PAK2: variants seen among roughly 807,000 people sequenced by gnomAD.
PAK2 encodes serine/threonine-protein kinase PAK 2.
A neutral mutation model predicts 65.9 loss-of-function variants in PAK2; 21 were observed. That is an observed-to-expected ratio of 0.32 (90% CI 0.23 to 0.46). The LOEUF (loss-of-function observed/expected upper bound fraction) is 0.46, where lower values mean the gene tolerates loss of function less well. Ranked by LOEUF, PAK2 falls within the 20% of genes least tolerant of loss-of-function variation. The probability of loss-of-function intolerance (pLI) is 1.00; values close to 1 mark genes in which losing one functional copy is unlikely to be tolerated. For missense variants in PAK2, 324 were observed against 642.6 expected, an observed-to-expected ratio of 0.50 and a Z score of 5.36; for synonymous variants, 204 against 219.7, an observed-to-expected ratio of 0.93 and a Z score of 0.63.
At position 196,801,956 on chromosome 3, in the gene PAK2, G is replaced by A; in HGVS notation, c.217G>A (p.Glu73Lys). 1 of 1,609,030 alleles carries A rather than the reference G, an allele frequency of 6.2e-7. No homozygotes were observed. The highest frequency in any genetic ancestry group is 1.7e-5 in the Admixed American group (1 of 59,996). The change falls in exon 3 of 15, where the codon GAA becomes AAA. Residue 73 changes from glutamate to lysine, a missense_variant. By Grantham distance (56) the Glu-to-Lys change is moderately conservative. Around this residue, in one of 5 missense-constraint regions of PAK2, gnomAD observed 20 missense variants for 99.9 expected, o/e 0.20. Transcript: ENST00000327134. ...TAAAAAGAAAGAAAAGGAACGGCCA[G>A]AAATTTCTCCTCCATCTGATTTTGA... ...GSKKKEKERP[E>K]ISPPSDFEHT...
chr3:196,823,438 G>A (rs887388578), intron 13 of PAK2, among the ~76,000 whole-genome samples: 9 of 151,930 alleles, frequency 5.9e-5, no homozygotes, highest in Admixed American at 2.6e-4. Flanking sequence ...CAGTGAGATC[G>A]GTAAAATCAC....
In PAK2 at chr3:196,829,657, A is replaced by G. The variant is rs1712001234; in HGVS notation, c.*1252A>G. 6.6e-6 allele frequency: 1 copy of G among 152,190 alleles called. No individual in the cohort carries two copies. Among genetic ancestry groups the G allele is most frequent in the Non-Finnish European group, 1.5e-5 (1 of 68,042 alleles). The allele number at this position is 152,190 out of a possible 1,614,324, so 9.4% of individuals were successfully genotyped here. A position where few individuals can be genotyped will look rare whatever the true frequency, so the allele number is the denominator to read the frequency against. ...GGTGGCATTGCCCCAGGTCGTCAGC[A>G]GTGTGGTATTATCTATGAGAACTTG... On this transcript the variant is annotated 3_prime_UTR_variant, in exon 15 of 15. Transcript: ENST00000327134.
At chr3:196,768,612 C>T (rs1293171659) in intron 1 of PAK2, among the ~76,000 whole-genome samples, 1 of 151,912 alleles carries the variant, frequency 6.6e-6, no homozygotes, top group Non-Finnish European at 1.5e-5. Context: ...GCCTCAGCCT[C>T]CCAAGTAGCT....
intron 2 of PAK2, among the ~76,000 whole-genome samples, chr3:196,794,375 A>G (rs1333721827): frequency 6.6e-6 from 1 of 152,198 alleles, no homozygotes; most frequent in Non-Finnish European, 1.5e-5. Flanking sequence ...GAACTCAGAT[A>G]TGAGAAGGAG....
At chr3:196,775,529 C>T (rs1714508766) in intron 1 of PAK2, among the ~76,000 whole-genome samples, 1 of 151,918 alleles carries the variant, frequency 6.6e-6, no homozygotes, top group Admixed American at 6.6e-5. Context: ...ACTACAGGCG[C>T]CCACCACCAC....
chr3:196,775,507 C>T (rs1412875069), intron 1 of PAK2, among the ~76,000 whole-genome samples: 2 of 151,968 alleles, frequency 1.3e-5, no homozygotes, highest in African/African-American at 4.8e-5. Context: ...CTCAGCCTCC[C>T]GAGTAGCTGG....
chr3:196,760,486 G>A (rs1713922311), intron 1 of PAK2, among the ~76,000 whole-genome samples: 1 of 151,914 alleles, frequency 6.6e-6, no homozygotes, highest in Admixed American at 6.6e-5. Flanking sequence ...CCTGAGCTCA[G>A]GTGAACCGCC....
chr3:196,776,966 C>T (rs764311883), intron 1 of PAK2, among the ~76,000 whole-genome samples: 3 of 152,068 alleles, frequency 2.0e-5, no homozygotes, highest in Non-Finnish European at 2.9e-5. Context: ...AGATTTTTTT[C>T]GTAAATTTCA....
At chr3:196,798,894 A>G (rs1317544076) in intron 2 of PAK2, among the ~76,000 whole-genome samples, 1 of 152,202 alleles carries the variant, frequency 6.6e-6, no homozygotes, top group Non-Finnish European at 1.5e-5. Context: ...AATGCCCTTT[A>G]GCCTCATAAA....
At chr3:196,809,062 G>A (rs1715687105) in intron 7 of PAK2, among the ~76,000 whole-genome samples, 1 of 150,432 alleles carries the variant, frequency 6.6e-6, no homozygotes, top group African/African-American at 2.4e-5. Context: ...CTTAGACCCC[G>A]ACTCCACCCC....
intron 1 of PAK2, among the ~76,000 whole-genome samples, chr3:196,766,551 G>C (rs183783970): frequency 6.6e-6 from 1 of 152,272 alleles, no homozygotes; most frequent in Admixed American, 6.5e-5. Flanking sequence ...ATTTTCTTAA[G>C]TGATCAGTGG....
intron 6 of PAK2, 47 bp downstream of exon 6, chr3:196,806,733 T>TA (rs757426990): frequency 6.4e-6 from 7 of 1,092,630 alleles, no homozygotes; most frequent in Admixed American, 3.5e-5. Flanking sequence ...ACGTGTGTTT[T>TA]AAAAAATAGC....
rs915614655 is a variant in PAK2 at position 196,767,454 on chromosome 3, G to C, written c.-21-15172G>C. Among the ~76,000 whole-genome samples, 8 of 152,010 alleles carry C rather than the reference G, an allele frequency of 5.3e-5. No homozygotes were observed. In the South Asian group the frequency reaches 6.2e-4, roughly 12 times the overall value. ...CTGACTATAATAGAAAAAAAGAAAA[G>C]GCGAGCAATTTATAATGAAATACAT... On this transcript the variant is annotated intron_variant, in intron 1 of 14. Transcript: ENST00000327134.
intron 11 of PAK2, among the ~76,000 whole-genome samples, chr3:196,817,171 T>TTTG (rs1711508773): frequency 7.0e-6 from 1 of 142,038 alleles, no homozygotes; most frequent in African/African-American, 2.6e-5. Context: ...TTTTTTTTTT[T>TTTG]TTTTTTTTTT....
chr3:196,765,695 A>G (rs911582923), intron 1 of PAK2, among the ~76,000 whole-genome samples: 20 of 152,134 alleles, frequency 1.3e-4, no homozygotes, highest in Non-Finnish European at 7.4e-5. Context: ...TAATACAGGT[A>G]TTACTCCATT....
In PAK2 at chr3:196,807,772, G is replaced by C; in HGVS notation, c.577-10G>C. 1 of 1,535,468 alleles carries C rather than the reference G, an allele frequency of 6.5e-7. No homozygotes were observed. The highest frequency in any genetic ancestry group is 9.0e-7 in the Non-Finnish European group (1 of 1,117,118). ...TCCTCAAACCTTGGTAATGAACTGT[G>C]TCTCCACAGATTTACACACGGTCTG... On this transcript the variant is annotated splice_polypyrimidine_tract_variant and intron_variant, in intron 6 of 14. Transcript: ENST00000327134.
chr3:196,823,831 A>G (rs1185852370), intron 13 of PAK2, among the ~76,000 whole-genome samples: 3 of 151,888 alleles, frequency 2.0e-5, no homozygotes, highest in South Asian at 2.1e-4. Context: ...AAAAAAGAAA[A>G]AAACACCTTG....
At chr3:196,764,304 A>T (rs1714083868) in intron 1 of PAK2, among the ~76,000 whole-genome samples, 1 of 152,076 alleles carries the variant, frequency 6.6e-6, no homozygotes, top group South Asian at 2.1e-4. Flanking sequence ...TTTCTGATGG[A>T]ACATCGTATC....
intron 7 of PAK2, among the ~76,000 whole-genome samples, chr3:196,810,172 A>G (rs1219920208): frequency 6.6e-6 from 1 of 151,894 alleles, no homozygotes; most frequent in Non-Finnish European, 1.5e-5. Flanking sequence ...ATCTATTTCT[A>G]TATTCAAATA....
Sources: gnomAD v4.1 joint callset for allele counts (sites outside exome capture counted in the v4.1 genomes callset) on GRCh38, gnomAD v4.1.1 for gene constraint, gnomAD v4.1.1 regional missense constraint, MANE v1.5 for transcripts, NCBI Gene and HGNC (gene_info 2026-07-23, HGNC 2026-07-21) for gene names.